The following ADGRF5 variants were observed in gnomAD, a reference collection of about 807,000 sequenced individuals.
ADGRF5 encodes G-protein coupled receptor 116.
A neutral mutation model predicts 132.3 loss-of-function variants in ADGRF5; 75 were observed. That is an observed-to-expected ratio of 0.57 (90% CI 0.47 to 0.69). The LOEUF (loss-of-function observed/expected upper bound fraction) is 0.69, where lower values mean the gene tolerates loss of function less well. ADGRF5 is among the 30% of genes least tolerant of loss of function. The probability of loss-of-function intolerance (pLI) is 0.00; values close to 1 mark genes in which losing one functional copy is unlikely to be tolerated. For missense variants in ADGRF5, 1,516 were observed against 1,630.6 expected, an observed-to-expected ratio of 0.93 and a Z score of 1.21; for synonymous variants, 629 against 597.6, an observed-to-expected ratio of 1.05 and a Z score of -0.77.
intron 1 of ADGRF5, among the ~76,000 whole-genome samples, chr6:46,914,504 C>T (rs112393662): frequency 2.0e-5 from 3 of 152,294 alleles, no homozygotes; most frequent in African/African-American, 7.2e-5. Flanking sequence ...CCTGCAGCAG[C>T]ATTGTGTCAG....
In ADGRF5 at chr6:46,858,764, A is replaced by G; in HGVS notation, c.3139T>C (p.Ser1047Pro). The G allele has an allele frequency of 6.2e-7, 1 of 1,613,582 alleles. No homozygotes were observed. The highest frequency in any genetic ancestry group is 8.5e-7 in the Non-Finnish European group (1 of 1,179,858). Reference sequence around the variant, plus strand: ...ACTATGCAGGTGTGGCGCATATAAGAAGTCCGGTTCTTGGTCACCGATTTC... The same window carrying G: ...ACTATGCAGGTGTGGCGCATATAAGGAGTCCGGTTCTTGGTCACCGATTTC... ...VWKSVTKNRT[S>P]YMRHTCIVNI... is the part of the protein sequence containing the mutation. The change falls in exon 17 of 21, where the codon TCT (serine) becomes CCT (proline). Residue 1047 changes from serine (S) to proline (P), a missense_variant. Ser to Pro is a moderately conservative substitution (Grantham distance 74, BLOSUM62 -1). Coordinates refer to ENST00000283296, the MANE Select transcript of ADGRF5 (RefSeq NM_001098518.2).
chr6:46,858,219 C>A lies in ADGRF5; in HGVS notation c.3684G>T (p.Leu1228Phe). ...SKSIGVLTPL[L>F]GLTWGFGLTT... ...TGAGACCAAAACCCCAAGTGAGGCC[C>A]AAGAGTGGTGTGAGGACCCCAATGC... The change falls in exon 17 of 21, where the codon TTG becomes TTT. Residue 1228 changes from leucine to phenylalanine, a missense_variant. By Grantham distance (22) the Leu-to-Phe change is conservative. This residue lies in a region of ADGRF5 where 571 missense variants were observed against 701.2 expected (regional missense o/e 0.81). Transcript: ENST00000283296. The A allele has an allele frequency of 6.2e-7, 1 of 1,614,122 alleles. No homozygotes were observed. The highest frequency in any genetic ancestry group is 8.5e-7 in the Non-Finnish European group (1 of 1,179,998).
chr6:46,926,482 AGGG>A (rs5875991), upstream of ADGRF5, among the ~76,000 whole-genome samples: 3 of 151,474 alleles, frequency 2.0e-5, no homozygotes, highest in African/African-American at 7.3e-5. Context: ...ATCTCGGGTG[AGGG>A]GGGGGGCAGT....
intron 2 of ADGRF5, among the ~76,000 whole-genome samples, chr6:46,905,073 C>T (rs761930730): frequency 1.7e-4 from 26 of 152,112 alleles, no homozygotes; most frequent in Non-Finnish European, 3.2e-4. Context: ...GCAGATGTGA[C>T]ATAGAGAGAA....
At position 46,869,299 on chromosome 6, in the gene ADGRF5, C is replaced by G. The variant is rs1770796647; in HGVS notation, c.1412-207G>C. 5 of 1,411,936 alleles carry G rather than the reference C, an allele frequency of 3.5e-6. No homozygotes were observed. In the South Asian group the frequency reaches 6.1e-5, roughly 17 times the overall value. The allele number at this position is 1,411,936 out of a possible 1,614,324, so 87.5% of individuals were successfully genotyped here. A position where few individuals can be genotyped will look rare whatever the true frequency, so the allele number is the denominator to read the frequency against. On this transcript the variant is annotated intron_variant, in intron 11 of 20. Transcript: ENST00000283296. ...CTAGGCTGTTCCTGGTGGTGCTCTG[C>G]ACTGTACTCATTTCCATCACATGCC...
intron 1 of ADGRF5, among the ~76,000 whole-genome samples, chr6:46,944,699 TC>T (rs542101893): frequency 1.1e-3 from 167 of 152,290 alleles, no homozygotes; most frequent in African/African-American, 4.0e-3. Context: ...ATATTATACA[TC>T]TATTATTACA....
At chr6:46,883,365 T>G (rs1772697849) in intron 6 of ADGRF5, among the ~76,000 whole-genome samples, 194 bp downstream of exon 6, 1 of 152,172 alleles carries the variant, frequency 6.6e-6, no homozygotes, top group Non-Finnish European at 1.5e-5. Flanking sequence ...TGCTTATAGG[T>G]CAAGGTGAGT....
intron 11 of ADGRF5, among the ~76,000 whole-genome samples, chr6:46,869,616 C>T (rs1044905093): frequency 5.3e-5 from 8 of 152,110 alleles, no homozygotes; most frequent in African/African-American, 1.9e-4. Context: ...TCTTTGCATC[C>T]CCAGTACTCA....
intron 3 of ADGRF5, among the ~76,000 whole-genome samples, chr6:46,894,371 T>C (rs1208138599): frequency 6.6e-6 from 1 of 152,186 alleles, no homozygotes. Flanking sequence ...ATGGGCTACC[T>C]GGCAGGTGTA....
intron 1 of ADGRF5, among the ~76,000 whole-genome samples, chr6:46,934,788 C>T (rs1032870539): frequency 1.3e-5 from 2 of 152,088 alleles, no homozygotes; most frequent in Non-Finnish European, 2.9e-5. Flanking sequence ...TCAGGAGCTG[C>T]TATATAAATG....
intron 3 of ADGRF5, 26 bp downstream of exon 3, chr6:46,900,003 G>T (rs752094548): frequency 2.1e-5 from 32 of 1,540,724 alleles, no homozygotes; most frequent in Non-Finnish European, 2.7e-5. Context: ...CTTATAAAAG[G>T]GATTGCCAAG....
chr6:46,870,480 A>G (rs1329285120), intron 11 of ADGRF5, among the ~76,000 whole-genome samples: 1 of 152,144 alleles, frequency 6.6e-6, no homozygotes, highest in Non-Finnish European at 1.5e-5. Flanking sequence ...ATTCTTAATC[A>G]TAATCCAATG....
chr6:46,872,122 T>A (rs534505789), intron 10 of ADGRF5, 109 bp from the exon 11 acceptor site: 1 of 734,280 alleles, frequency 1.4e-6, no homozygotes, highest in African/African-American at 1.8e-5. Context: ...TTTAAATAGA[T>A]TTCTTCTCTG....
At position 46,888,362 on chromosome 6, in the gene ADGRF5, C is replaced by A; in HGVS notation, c.301G>T (p.Asp101Tyr). 1 of 1,610,952 alleles carries A rather than the reference C, an allele frequency of 6.2e-7. No individual in the cohort carries two copies. The highest frequency in any genetic ancestry group is 1.1e-5 in the South Asian group (1 of 90,978). Reference sequence around the variant, plus strand: ...GTTGTCACATTTATGCTCAAAATGTCGGTAATTTGGTCAGTGTTATTCCCA... The same window carrying A: ...GTTGTCACATTTATGCTCAAAATGTAGGTAATTTGGTCAGTGTTATTCCCA... ...IHGNNTDQIT[D>Y]ILSINVTTVC... The change falls in exon 4 of 21, where the codon GAC becomes TAC. Residue 101 changes from aspartate (D) to tyrosine (Y), a missense_variant. Asp to Tyr is a radical substitution (Grantham distance 160, BLOSUM62 -3). Transcript: ENST00000283296.
rs1430360658 is a variant in ADGRF5, at chr6:46,888,408, G to A, written c.255C>T (p.Asn85=). ...SFLDPIKAYL[N]SLSFPIHGNN... is the part of the protein sequence containing the mutation. ...TCCCATGAATTGGAAAACTGAGGCT[G>A]TTCAAGTAGGCTTTGATAGGATCCA... is the stretch of plus-strand genomic sequence containing the variant. Residue 85 remains asparagine, a synonymous_variant, in exon 4 of 21, where the codon AAC becomes AAT. Coordinates refer to ENST00000283296, the MANE Select transcript of ADGRF5 (RefSeq NM_001098518.2). 1.2e-6 allele frequency: 2 copies of A among 1,609,950 alleles called. No homozygotes were observed. The highest frequency in any genetic ancestry group is 1.7e-6 in the Non-Finnish European group (2 of 1,176,264).
At chr6:46,891,080 C>G (rs369570484) in intron 3 of ADGRF5, among the ~76,000 whole-genome samples, 43 of 152,226 alleles carry the variant, frequency 2.8e-4, no homozygotes, top group African/African-American at 1.0e-3. Flanking sequence ...TTAACTCAGC[C>G]TATAAAAAAG....
intron 16 of ADGRF5, 81 bp downstream of exon 16, chr6:46,860,634 A>G: frequency 1.0e-6 from 1 of 961,186 alleles, no homozygotes; most frequent in Non-Finnish European, 1.6e-6. Context: ...TGCAATGGGG[A>G]GGAATTACGT....
intron 1 of ADGRF5, among the ~76,000 whole-genome samples, chr6:46,911,444 G>C (rs1336062894): frequency 6.6e-6 from 1 of 152,140 alleles, no homozygotes; most frequent in African/African-American, 2.4e-5. Flanking sequence ...TTCTGTGTTT[G>C]GCGAAACCAA....
intron 1 of ADGRF5, among the ~76,000 whole-genome samples, chr6:46,912,695 G>A (rs973889897): frequency 6.6e-6 from 1 of 152,122 alleles, no homozygotes; most frequent in African/African-American, 2.4e-5. Context: ...TCCTAATTAG[G>A]GAAAAAGAAT....
Sources: gnomAD v4.1 joint callset for allele counts (sites outside exome capture counted in the v4.1 genomes callset) on GRCh38, gnomAD v4.1.1 for gene constraint, gnomAD v4.1.1 regional missense constraint, MANE v1.5 for transcripts, NCBI Gene and HGNC (gene_info 2026-07-23, HGNC 2026-07-21) for gene names.